Variants in INPP5A observed in about 807,000 individuals in gnomAD.
INPP5A encodes inositol polyphosphate-5-phosphatase A.
Under a neutral mutation model 65.2 loss-of-function variants are expected in INPP5A, and 14 were observed. The observed-to-expected ratio is 0.21, with a 90% confidence interval of 0.14 to 0.34. The LOEUF is 0.34. Ranked by LOEUF, INPP5A falls within the 10% of genes least tolerant of loss-of-function variation. INPP5A has a pLI of 1.00. For synonymous variants in INPP5A, 207 were observed against 208.3 expected (o/e 0.99, Z 0.05); for missense variants, 431 against 545.6 (o/e 0.79, Z 2.09).
chr10:132,713,216 G>A (rs938437233), intron 8 of INPP5A, among the ~76,000 whole-genome samples: 1 of 152,006 alleles, frequency 6.6e-6, no homozygotes, highest in Non-Finnish European at 1.5e-5. Context: ...AGGTATGGGT[G>A]TGCACACGTG....
chr10:132,632,374 C>T (rs762261439), intron 2 of INPP5A, among the ~76,000 whole-genome samples: 3 of 152,352 alleles, frequency 2.0e-5, no homozygotes, highest in East Asian at 1.9e-4. Context: ...CACGGGCCAA[C>T]GCCTGTGGTG....
chr10:132,688,671 G>C (rs1845190734), intron 4 of INPP5A, among the ~76,000 whole-genome samples: 1 of 151,452 alleles, frequency 6.6e-6, no homozygotes. Flanking sequence ...GTGTGAACAA[G>C]TGTGTGCGTG....
chr10:132,712,817 T>C lies in INPP5A; in HGVS notation c.647+2361T>C, dbSNP rs535982188. Among the ~76,000 whole-genome samples, 10 of 151,594 alleles carry C rather than the reference T, an allele frequency of 6.6e-5. No homozygotes were observed. The East Asian group carries it at 1.8e-3, about 27-fold the overall frequency. On this transcript the variant is annotated intron_variant, in intron 8 of 15. Coordinates refer to ENST00000368594, the MANE Select transcript of INPP5A (RefSeq NM_005539.5). ...GCACTGATGCATGTGTGCATGTGTG[T>C]GGGGCCTCGTGTGGGTGCATATGTG...
chr10:132,565,002 C>T (rs992934586), intron 1 of INPP5A, among the ~76,000 whole-genome samples: 3 of 152,190 alleles, frequency 2.0e-5, no homozygotes, highest in African/African-American at 2.4e-5. Flanking sequence ...CCATTCACAG[C>T]GCTGCTTTAC....
At chr10:132,688,927 T>A (rs1012993301) in intron 4 of INPP5A, among the ~76,000 whole-genome samples, 1 of 151,868 alleles carries the variant, frequency 6.6e-6, no homozygotes, top group African/African-American at 2.4e-5. Flanking sequence ...TGAGTGCATG[T>A]GTGCATGTTA....
At chr10:132,580,959 C>T (rs542446785) in intron 1 of INPP5A, among the ~76,000 whole-genome samples, 4 of 152,338 alleles carry the variant, frequency 2.6e-5, no homozygotes, top group East Asian at 1.9e-4. Flanking sequence ...TGAGTTTTGA[C>T]GTGTCTGTTT....
intron 1 of INPP5A, among the ~76,000 whole-genome samples, chr10:132,561,054 T>A (rs2071198183): frequency 9.1e-6 from 1 of 110,418 alleles, no homozygotes. Flanking sequence ...TTGAAGCACT[T>A]TTTTTTTTTT....
At position 132,637,803 on chromosome 10, in the gene INPP5A, A is replaced by G. The variant is rs535004924; in HGVS notation, c.118-8065A>G. On this transcript the variant is annotated intron_variant, in intron 2 of 15. Transcript: ENST00000368594. The surrounding 1 kb of genome is among the most constrained non-coding windows in gnomAD (Gnocchi z 4.1). ...TTCATATTCTCGACTGCTTGAGTAG[A>G]TTTGATTTTATCTGCAATGTGGGCT... 3.3e-5 allele frequency among the ~76,000 whole-genome samples: 5 copies of G among 151,952 alleles called. No homozygotes were observed. The highest frequency in any genetic ancestry group is 4.2e-4 in the South Asian group (2 of 4,810).
chr10:132,586,423 C>T (rs1228817867), intron 1 of INPP5A, among the ~76,000 whole-genome samples: 33 of 152,246 alleles, frequency 2.2e-4, no homozygotes. Flanking sequence ...ACCTCGTCAC[C>T]CTTCCCCACA....
intron 4 of INPP5A, among the ~76,000 whole-genome samples, chr10:132,666,479 T>C (rs1426387418): frequency 6.6e-6 from 1 of 152,166 alleles, no homozygotes; most frequent in Non-Finnish European, 1.5e-5. Context: ...TATTAAAGTA[T>C]ACATCACTGG....
At chr10:132,614,751 G>A (rs1027957214) in intron 2 of INPP5A, among the ~76,000 whole-genome samples, 1 of 152,242 alleles carries the variant, frequency 6.6e-6, no homozygotes, top group African/African-American at 2.4e-5. Flanking sequence ...GGCTCTGGGG[G>A]CCGATGAGAT....
chr10:132,548,474 G>A (rs1292013853), intron 1 of INPP5A, among the ~76,000 whole-genome samples: 3 of 152,154 alleles, frequency 2.0e-5, no homozygotes, highest in Non-Finnish European at 2.9e-5. Context: ...GTGTTTGCGC[G>A]TTTAACAGTG....
intron 2 of INPP5A, among the ~76,000 whole-genome samples, chr10:132,619,824 A>G (rs1363777874): frequency 6.6e-6 from 1 of 152,046 alleles, no homozygotes; most frequent in Non-Finnish European, 1.5e-5. Context: ...ACACCTGGCT[A>G]ATTTTTGTAT....
intron 2 of INPP5A, among the ~76,000 whole-genome samples, chr10:132,629,895 G>C (rs2072241823): frequency 6.6e-6 from 1 of 152,186 alleles, no homozygotes. Flanking sequence ...AATCATAAGG[G>C]GAAAGTGTCC....
chr10:132,763,647 G>A (rs1846774332), intron 11 of INPP5A, among the ~76,000 whole-genome samples: 1 of 130,850 alleles, frequency 7.6e-6, no homozygotes, highest in Non-Finnish European at 1.7e-5. Context: ...ATGCCTGCAT[G>A]CACACACACA....
rs1476403931 is a variant in INPP5A, at chr10:132,782,609, TATATAA to T, written c.*586_*591del. On this transcript the variant is annotated 3_prime_UTR_variant, in exon 16 of 16. Transcript: ENST00000368594. This position sits in a 1 kb window ranked among gnomAD's most constrained non-coding sequence, Gnocchi z 4.4. ...TTCCATTTTTATATATATATAAATA[TATATAA>T]ATATATACTTTTTAAAAATAATTTA... The T allele has an allele frequency of 1.3e-5, 2 of 149,750 alleles. No individual in the cohort carries two copies. The highest frequency in any genetic ancestry group is 4.9e-5 in the African/African-American group (2 of 41,014). 9.3% of individuals were successfully genotyped at this position (149,750 alleles called of 1,614,324 possible).
At chr10:132,699,589 G>A (rs2134503956) in intron 6 of INPP5A, among the ~76,000 whole-genome samples, 1 of 152,250 alleles carries the variant, frequency 6.6e-6, no homozygotes, top group African/African-American at 2.4e-5. Context: ...ACTCCGGATG[G>A]GGTAGGAGAG....
chr10:132,703,749 G>A (rs1170453978), intron 6 of INPP5A, among the ~76,000 whole-genome samples: 14 of 45,344 alleles, frequency 3.1e-4, no homozygotes, highest in Admixed American at 7.1e-4. Context: ...ACACATACAC[G>A]TACGGCTTCA....
intron 2 of INPP5A, among the ~76,000 whole-genome samples, chr10:132,638,329 G>A (rs924674172): frequency 3.3e-5 from 5 of 152,290 alleles, no homozygotes; most frequent in African/African-American, 1.2e-4. Context: ...GATGTGCTGG[G>A]ATGCTCTTCC....
Sources: gnomAD v4.1 joint callset for allele counts (sites outside exome capture counted in the v4.1 genomes callset) on GRCh38, gnomAD v4.1.1 for gene constraint, Gnocchi (gnomAD v3.1) non-coding constraint, MANE v1.5 for transcripts, NCBI Gene and HGNC (gene_info 2026-07-23, HGNC 2026-07-21) for gene names.